Variants in BPIFB4 observed in about 807,000 individuals in gnomAD.
BPIFB4 encodes BPI fold-containing family B member 4.
A neutral mutation model predicts 69.2 loss-of-function variants in BPIFB4; 62 were observed. The observed-to-expected ratio is 0.90, with a 90% CI of 0.73 to 1.11. The LOEUF is 1.11. BPIFB4 is among the 50% of genes least tolerant of loss of function. The pLI is 0.00. For synonymous variants in BPIFB4, 330 were observed against 332.7 expected (o/e 0.99, Z 0.09); for missense variants, 789 against 792.0 (o/e 1.00, Z 0.04).
intron 3 of BPIFB4, 79 bp from the exon 4 acceptor site, chr20:33,082,859 A>G (rs1981275004): frequency 2.1e-6 from 3 of 1,405,286 alleles, no homozygotes; most frequent in South Asian, 1.2e-5. Flanking sequence ...GGAGCTGAGC[A>G]ACACTGCGAG....
At chr20:33,106,331 C>T (rs1406546201) in intron 16 of BPIFB4, among the ~76,000 whole-genome samples, 1 of 151,802 alleles carries the variant, frequency 6.6e-6, no homozygotes, top group African/African-American at 2.4e-5. Context: ...TCCTCTATGA[C>T]TGGGCGAAGG....
At position 33,092,515 on chromosome 20, in the gene BPIFB4, G is replaced by A. The variant is rs747677261; in HGVS notation, c.1201G>A (p.Val401Met). ...LIDYPLGWPA[V>M]SPKPMPELPP... The stretch of plus-strand genomic sequence containing the variant: ...CGACTACCCATTGGGGTGGCCAGCT[G>A]TGTCTCCCAAGCCGATGCCAGAGCT... The change falls in exon 11 of 18, where the codon GTG becomes ATG. Residue 401 changes from valine (V) to methionine (M), a missense_variant. Transcript: ENST00000375483. 1.9e-6 allele frequency: 3 copies of A among 1,614,120 alleles called. No homozygotes were observed. The highest frequency in any genetic ancestry group is 2.5e-6 in the Non-Finnish European group (3 of 1,180,020).
intron 3 of BPIFB4, among the ~76,000 whole-genome samples, chr20:33,082,640 A>G (rs1257227147): frequency 6.6e-6 from 1 of 152,092 alleles, no homozygotes; most frequent in Non-Finnish European, 1.5e-5. Flanking sequence ...CCTGAAGTCA[A>G]TTTTTTAAAG....
rs1197178838 is a variant in BPIFB4, at chr20:33,083,466, T to C, written c.269T>C (p.Ile90Thr). The change falls in exon 5 of 18, where the codon ATT becomes ACT. Residue 90 changes from isoleucine (I) to threonine (T), a missense_variant. Ile to Thr is a moderately conservative substitution (Grantham distance 89). Transcript: ENST00000375483. ...KLDGIYQYGH[I>T]ETNDNTAQLG... ...GATGGTATTTACCAGTATGGTCACA[T>C]TGAGACCAACGACAACACTGCTCAG... The C allele has an allele frequency of 2.5e-6, 4 of 1,613,550 alleles. No individual in the cohort carries two copies. The highest frequency in any genetic ancestry group is 1.3e-5 in the African/African-American group (1 of 74,762).
At chr20:33,109,407 G>A (rs1285304354) in intron 17 of BPIFB4, among the ~76,000 whole-genome samples, 2 of 152,040 alleles carry the variant, frequency 1.3e-5, no homozygotes, top group Admixed American at 1.3e-4. Context: ...GCCATCAACA[G>A]CCCTGGTTGA....
rs964231196 is a variant in BPIFB4 at position 33,086,089 on chromosome 20, GCACGGGTTATC to G, written c.853_863del (p.Thr285SerfsTer5). On this transcript the variant is annotated frameshift_variant, in exon 7 of 18. Coordinates refer to ENST00000375483, the MANE Select transcript of BPIFB4 (RefSeq NM_182519.3). LOFTEE classifies it high-confidence loss of function. ...GCCAAGGTCCGGCTGACCATGGACC[GCACGGGTTATC>G]CTCGGCTGGTCATTGAGCGATGTGA... is the stretch of plus-strand genomic sequence containing the variant. 1.2e-6 allele frequency: 2 copies of G among 1,613,208 alleles called. No individual in the cohort carries two copies. Among genetic ancestry groups the G allele is most frequent in the Non-Finnish European group, 1.7e-6 (2 of 1,179,330 alleles).
intron 17 of BPIFB4, among the ~76,000 whole-genome samples, chr20:33,111,031 G>A (rs1170412376): frequency 6.6e-6 from 1 of 151,972 alleles, no homozygotes; most frequent in East Asian, 1.9e-4. Context: ...GCCCAGGCTG[G>A]TCTCGAACTC....
chr20:33,097,886 C>T (rs1375122586), intron 13 of BPIFB4, 99 bp downstream of exon 13: 2 of 1,301,320 alleles, frequency 1.5e-6, no homozygotes, highest in African/African-American at 1.5e-5. Context: ...CCTCAATCTC[C>T]ACCATCATGA....
At chr20:33,090,872 C>G in intron 10 of BPIFB4, 73 bp downstream of exon 10, 1 of 1,567,414 alleles carries the variant, frequency 6.4e-7, no homozygotes, top group Non-Finnish European at 8.7e-7. Context: ...GAGGCCCTCC[C>G]AGGGCTTCTG....
intron 8 of BPIFB4, 35 bp from the exon 9 acceptor site, chr20:33,089,463 C>A: frequency 1.2e-6 from 2 of 1,614,128 alleles, no homozygotes; most frequent in Non-Finnish European, 1.7e-6. Context: ...CTCCCTGCAG[C>A]GTCAACAAGG....
chr20:33,093,294 T>A (rs1016766597), intron 11 of BPIFB4, among the ~76,000 whole-genome samples: 2 of 150,738 alleles, frequency 1.3e-5, no homozygotes, highest in African/African-American at 4.9e-5. Context: ...TATTTATTTA[T>A]CCATCCACCC....
At chr20:33,095,019 G>A in intron 11 of BPIFB4, 81 bp from the exon 12 acceptor site, 2 of 1,344,356 alleles carry the variant, frequency 1.5e-6, no homozygotes, top group Non-Finnish European at 2.1e-6. Context: ...AAAGCATGTA[G>A]GAGTTTAATC....
chr20:33,108,410 C>CATATATATATGTCT (rs1555787217), intron 17 of BPIFB4, among the ~76,000 whole-genome samples: 1 of 68,388 alleles, frequency 1.5e-5, no homozygotes, highest in Non-Finnish European at 3.4e-5. Context: ...AGTATGCATC[C>CATATATATATGTCT]ATATATATAT....
chr20:33,091,575 C>A (rs12625298), intron 10 of BPIFB4, among the ~76,000 whole-genome samples: 40,541 of 152,282 alleles, frequency 0.27, 5,622 homozygotes, highest in Middle Eastern at 0.37. Flanking sequence ...ATACAGGCGC[C>A]CCTGCGCATG....
chr20:33,107,680 G>A (rs530390405), intron 16 of BPIFB4, 64 bp from the exon 17 acceptor site: 43 of 1,213,466 alleles, frequency 3.5e-5, no homozygotes, highest in Admixed American at 1.2e-4. Context: ...AAATACTGGC[G>A]GCTTCTGGTG....
intron 1 of BPIFB4, 91 bp from the exon 2 acceptor site, chr20:33,080,378 G>A (rs1981193319): frequency 6.6e-6 from 1 of 152,216 alleles, no homozygotes; most frequent in Non-Finnish European, 1.5e-5. Context: ...CACAAAAGGA[G>A]CAAAAGAAAG....
In BPIFB4 at chr20:33,097,615, A is replaced by G. The variant is rs759730380; in HGVS notation, c.1399-2A>G. On this transcript the variant is annotated splice_acceptor_variant, in intron 12 of 17. Coordinates refer to ENST00000375483, the MANE Select transcript of BPIFB4 (RefSeq NM_182519.3). LOFTEE classifies it high-confidence loss of function. ...TCCATCTGGCCTGGTGCCTGCCCAC[A>G]GGTGTTCCAGCAGTACCCCGAGTCC... The G allele has an allele frequency of 6.2e-7, 1 of 1,613,500 alleles. No individual in the cohort carries two copies. Among genetic ancestry groups the G allele is most frequent in the South Asian group, 1.1e-5 (1 of 91,044 alleles).
At chr20:33,095,571 C>T (rs560896610) in intron 12 of BPIFB4, among the ~76,000 whole-genome samples, 20 of 152,280 alleles carry the variant, frequency 1.3e-4, no homozygotes, top group Admixed American at 5.2e-4. Flanking sequence ...CAGGCACACT[C>T]GGGTGCACAG....
rs1279695078 is a variant in BPIFB4 at position 33,097,716 on chromosome 20, G to A, written c.1498G>A (p.Val500Met). 1.2e-6 allele frequency: 2 copies of A among 1,614,176 alleles called. No individual in the cohort carries two copies. Among genetic ancestry groups the A allele is most frequent in the South Asian group, 2.2e-5 (2 of 91,076 alleles). Reference sequence around the variant, plus strand: ...GCAGAAGGACAAAGCGCTGGTGAAGGTGTTGGCCACTGCCGAGGTCATGGT... The same window carrying A: ...GCAGAAGGACAAAGCGCTGGTGAAGATGTTGGCCACTGCCGAGGTCATGGT... Reference protein sequence around the residue: ...MLQKDKALVKVLATAEVMVSQ... With the variant: ...MLQKDKALVKMLATAEVMVSQ... The change falls in exon 13 of 18, where the codon GTG becomes ATG. Residue 500 changes from valine (V) to methionine (M), a missense_variant. Coordinates refer to ENST00000375483, the MANE Select transcript of BPIFB4 (RefSeq NM_182519.3).
Sources: gnomAD v4.1 joint callset for allele counts (sites outside exome capture counted in the v4.1 genomes callset) on GRCh38, gnomAD v4.1.1 for gene constraint, MANE v1.5 for transcripts, NCBI Gene and HGNC (gene_info 2026-07-23, HGNC 2026-07-21) for gene names.